The following FRYL variants were observed in gnomAD, a reference collection of about 807,000 sequenced individuals.
FRYL encodes the protein protein furry homolog-like.
Under a neutral mutation model 351.2 loss-of-function variants are expected in FRYL, and 150 were observed. The ratio of observed to expected loss-of-function variants is 0.43; its 90% CI spans 0.37 to 0.49. The LOEUF is 0.49. FRYL is among the 20% of genes least tolerant of loss of function. The pLI is 0.00. For missense variants in FRYL, 3,036 were observed against 3,619.3 expected, an observed-to-expected ratio of 0.84 and a Z score of 4.13; for synonymous variants, 1,153 against 1,257.1, an observed-to-expected ratio of 0.92 and a Z score of 1.75.
intron 3 of FRYL, among the ~76,000 whole-genome samples, chr4:48,635,682 ATCGATCCCATATGTTGCTATG>A (rs796863993): frequency 6.6e-5 from 10 of 152,310 alleles, no homozygotes; most frequent in African/African-American, 2.4e-4. Flanking sequence ...TCATGTCCAT[ATCGATCCCATATGTTGCTATG>A]TCGATCCCAT....
At chr4:48,574,002 T>C (rs1057148132) in intron 25 of FRYL, among the ~76,000 whole-genome samples, 5 of 152,204 alleles carry the variant, frequency 3.3e-5, no homozygotes, top group Non-Finnish European at 1.5e-5. Flanking sequence ...TTACTAAAAA[T>C]ATTGCCTCTG....
At chr4:48,764,749 T>G (rs1428954292) in intron 1 of FRYL, among the ~76,000 whole-genome samples, 1 of 152,156 alleles carries the variant, frequency 6.6e-6, no homozygotes, top group African/African-American at 2.4e-5. Context: ...TGAAAGAATA[T>G]TATTTTGTAA....
chr4:48,645,124 T>TTATATATATATATATACATA (rs1756142615), intron 3 of FRYL, among the ~76,000 whole-genome samples: 1 of 105,446 alleles, frequency 9.5e-6, no homozygotes, highest in Admixed American at 1.2e-4. Flanking sequence ...AGCTTTCATT[T>TTATATATATATATATACATA]TATATATATA....
At chr4:48,550,453 T>C (rs1732456223) in intron 38 of FRYL, 139 bp downstream of exon 38, 4 of 587,734 alleles carry the variant, frequency 6.8e-6, no homozygotes, top group Non-Finnish European at 1.2e-5. Context: ...ATGTTTCAGA[T>C]TATGTTGGAA....
At chr4:48,563,762 T>A (rs974129386) in intron 31 of FRYL, among the ~76,000 whole-genome samples, 186 bp downstream of exon 31, 1 of 150,752 alleles carries the variant, frequency 6.6e-6, no homozygotes, top group African/African-American at 2.4e-5. Context: ...ATACAAATAC[T>A]ACAGCATTTT....
intron 4 of FRYL, among the ~76,000 whole-genome samples, chr4:48,624,127 C>T (rs1751285276): frequency 6.6e-6 from 1 of 152,104 alleles, no homozygotes; most frequent in Non-Finnish European, 1.5e-5. Flanking sequence ...CAGGAGGTAA[C>T]CTTCCAGTAT....
At chr4:48,504,980 T>A (rs1720587552) in intron 60 of FRYL, among the ~76,000 whole-genome samples, 1 of 152,198 alleles carries the variant, frequency 6.6e-6, no homozygotes, top group African/African-American at 2.4e-5. Context: ...TATTTTCCCC[T>A]GTGAAGCTAC....
chr4:48,771,214 G>A (rs1462600075), intron 1 of FRYL, among the ~76,000 whole-genome samples: 2 of 152,140 alleles, frequency 1.3e-5, no homozygotes, highest in African/African-American at 4.8e-5. Context: ...GGGTTCAGTA[G>A]TATCAGGAAT....
In FRYL at chr4:48,505,631, A is replaced by C. The variant is rs762903008; in HGVS notation, c.8395-16T>G. ...CATCTAGCCACTAAAAATAAGTAAC[A>C]GTAACGTTTAATATGCACAGTAAAA... On this transcript the variant is annotated splice_polypyrimidine_tract_variant and intron_variant, in intron 59 of 63. Transcript: ENST00000358350. 2.6e-6 allele frequency: 4 copies of C among 1,562,102 alleles called. No individual in the cohort carries two copies. The African/African-American group carries it at 5.4e-5, about 21-fold the overall frequency.
intron 13 of FRYL, among the ~76,000 whole-genome samples, chr4:48,597,729 G>A (rs1227271444): frequency 6.6e-6 from 1 of 152,062 alleles, no homozygotes; most frequent in African/African-American, 2.4e-5. Flanking sequence ...GTTCTCATAT[G>A]AATGATTAAA....
chr4:48,633,576 C>T (rs1753670413), intron 4 of FRYL, among the ~76,000 whole-genome samples: 1 of 152,156 alleles, frequency 6.6e-6, no homozygotes, highest in African/African-American at 2.4e-5. Context: ...TTCCTGTGTA[C>T]TTTACCAAAG....
chr4:48,523,071 G>A lies in FRYL; in HGVS notation c.7351C>T (p.Arg2451Cys), dbSNP rs560681341. ...ESMDNFNWGVRRRSLDSIDKG... is the reference protein window; with the variant it reads ...ESMDNFNWGVCRRSLDSIDKG... ...TCAATACTGTCCAGTGAGCGCCTGC[G>A]AACTCCCCAGTTGAAATTGTCCATA... The change falls in exon 54 of 64, where the codon CGC (arginine) becomes TGC (cysteine). Residue 2451 changes from arginine (R) to cysteine (C), a missense_variant. This residue lies in a region of FRYL where 1,987 missense variants were observed against 2,311.7 expected (regional missense o/e 0.86). Transcript: ENST00000358350. 6.9e-5 allele frequency: 111 copies of A among 1,613,616 alleles called. 1 individual carries two copies. The South Asian group carries it at 9.1e-4, about 13-fold the overall frequency.
In FRYL at chr4:48,534,577, C is replaced by T; in HGVS notation, c.6673G>A (p.Glu2225Lys). ...TATTTGCCAATAATCTTTATGATCTCCAGATTAAACTGCTTGGCTGGGGCT... is the reference window on the plus strand; with the variant it reads ...TATTTGCCAATAATCTTTATGATCTTCAGATTAAACTGCTTGGCTGGGGCT... ...SAAPAKQFNL[E>K]IIKIIGKYVQ... The change falls in exon 49 of 64, where the codon GAG becomes AAG. Residue 2225 changes from glutamate to lysine, a missense_variant. Physicochemically the swap from Glu to Lys is moderately conservative, Grantham distance 56. Around this residue, in one of 7 missense-constraint regions of FRYL, gnomAD observed 1,987 missense variants for 2,311.7 expected, o/e 0.86. Coordinates refer to ENST00000358350, the MANE Select transcript of FRYL (RefSeq NM_015030.2). The T allele has an allele frequency of 6.2e-7, 1 of 1,612,608 alleles. No homozygotes were observed. The highest frequency in any genetic ancestry group is 8.5e-7 in the Non-Finnish European group (1 of 1,179,026).
At chr4:48,699,139 A>G (rs1766486599) in intron 2 of FRYL, among the ~76,000 whole-genome samples, 2 of 152,242 alleles carry the variant, frequency 1.3e-5, no homozygotes, top group South Asian at 4.1e-4. Context: ...TATATTTTAA[A>G]GTATAAGCTG....
chr4:48,570,845 G>A lies in FRYL; in HGVS notation c.2978C>T (p.Ala993Val), dbSNP rs1443563916. The A allele has an allele frequency of 8.1e-6, 13 of 1,612,636 alleles. No individual in the cohort carries two copies. Among genetic ancestry groups the A allele is most frequent in the Non-Finnish European group, 1.1e-5 (13 of 1,178,672 alleles). ...LVRIFELLADAGVISHSASGG... is the reference protein window; with the variant it reads ...LVRIFELLADVGVISHSASGG... ...TACTGACCTGTGACTAATGACACCA[G>A]CATCTGCCAGCAGTTCAAATATTCG... The change falls in exon 27 of 64, where the codon GCT (alanine) becomes GTT (valine). Residue 993 changes from alanine (A) to valine (V), a missense_variant. Coordinates refer to ENST00000358350, the MANE Select transcript of FRYL (RefSeq NM_015030.2).
At chr4:48,720,211 A>G (rs1769317214) in intron 1 of FRYL, among the ~76,000 whole-genome samples, 1 of 142,166 alleles carries the variant, frequency 7.0e-6, no homozygotes, top group African/African-American at 2.5e-5. Flanking sequence ...TAAAATGTAC[A>G]TTAAGGCTGG....
At chr4:48,518,137 C>G (rs1724045092) in intron 55 of FRYL, among the ~76,000 whole-genome samples, 1 of 152,140 alleles carries the variant, frequency 6.6e-6, no homozygotes, top group Non-Finnish European at 1.5e-5. Flanking sequence ...TTCAAAATAT[C>G]CCTTTCATTC....
chr4:48,678,507 C>CAAAAAAAAAAA (rs10639089), intron 3 of FRYL, among the ~76,000 whole-genome samples: 2 of 71,766 alleles, frequency 2.8e-5, no homozygotes, highest in African/African-American at 6.0e-5. Context: ...AACTCCATCT[C>CAAAAAAAAAAA]AAAAAAAAAA....
At chr4:48,641,605 T>C (rs1161341023) in intron 3 of FRYL, among the ~76,000 whole-genome samples, 1 of 152,124 alleles carries the variant, frequency 6.6e-6, no homozygotes. Context: ...CTCCTAATTA[T>C]AGCGCATTTA....
Sources: gnomAD v4.1 joint callset for allele counts (sites outside exome capture counted in the v4.1 genomes callset) on GRCh38, gnomAD v4.1.1 for gene constraint, gnomAD v4.1.1 regional missense constraint, MANE v1.5 for transcripts, NCBI Gene and HGNC (gene_info 2026-07-23, HGNC 2026-07-21) for gene names.